Variants in RIPK1 observed in about 807,000 individuals in gnomAD.
RIPK1 encodes receptor-interacting serine/threonine-protein kinase 1.
A neutral mutation model predicts 62.4 loss-of-function variants in RIPK1; 27 were observed. The ratio of observed to expected loss-of-function variants is 0.43; its 90% CI spans 0.32 to 0.60. RIPK1 has a LOEUF of 0.60. Among genes scored for constraint, RIPK1 ranks in the 20% least tolerant of loss-of-function variants. The pLI, the probability that RIPK1 is intolerant of heterozygous loss-of-function variation, is 0.07. For missense variants in RIPK1, 735 were observed against 831.0 expected (o/e 0.88, Z 1.42); for synonymous variants, 287 against 303.2 (o/e 0.95, Z 0.55).
chr6:3,102,831 C>T (rs1475974737), intron 7 of RIPK1, among the ~76,000 whole-genome samples: 2 of 152,156 alleles, frequency 1.3e-5, no homozygotes, highest in African/African-American at 4.8e-5. Flanking sequence ...TCTCAAACTC[C>T]TAACCTCAGG....
At chr6:3,098,898 G>A (rs1346192719) in intron 7 of RIPK1, among the ~76,000 whole-genome samples, 1 of 152,208 alleles carries the variant, frequency 6.6e-6, no homozygotes, top group Admixed American at 6.5e-5. Context: ...CTTGTCCCAC[G>A]TCAGACTGAA....
intron 7 of RIPK1, 120 bp downstream of exon 7, chr6:3,089,777 T>C (rs752638014): frequency 8.4e-5 from 55 of 651,722 alleles, no homozygotes; most frequent in Middle Eastern, 2.9e-4. Context: ...GGTAAACATA[T>C]AAAACAAAAT....
intron 7 of RIPK1, among the ~76,000 whole-genome samples, chr6:3,095,727 T>C (rs1258313069): frequency 6.6e-6 from 1 of 152,180 alleles, no homozygotes; most frequent in Non-Finnish European, 1.5e-5. Context: ...GTTGATAAAA[T>C]GTAATGTTTA....
At chr6:3,100,676 C>T (rs956407660) in intron 7 of RIPK1, among the ~76,000 whole-genome samples, 4 of 151,780 alleles carry the variant, frequency 2.6e-5, no homozygotes, top group Non-Finnish European at 4.4e-5. Flanking sequence ...CTACAACCTC[C>T]ACCTCCCGGG....
intron 7 of RIPK1, among the ~76,000 whole-genome samples, chr6:3,094,120 GCCGCACCTAGTAACTGCAGAGTA>G (rs1561765282): frequency 8.9e-5 from 12 of 135,424 alleles, no homozygotes; most frequent in Middle Eastern, 3.5e-3. Flanking sequence ...GTACCTACCT[GCCGCACCTAGTAACTGCAGAGTA>G]CCTACCTGCC....
chr6:3,110,662 T>TTCA (rs1761109539), intron 9 of RIPK1, 141 bp from the exon 10 acceptor site: 1 of 510,120 alleles, frequency 2.0e-6, no homozygotes, highest in Non-Finnish European at 3.4e-6. Context: ...TTTAGCCAGA[T>TTCA]TTGAAAGAAG....
intron 9 of RIPK1, among the ~76,000 whole-genome samples, chr6:3,107,220 C>G (rs1262247318): frequency 6.6e-6 from 1 of 150,662 alleles, no homozygotes; most frequent in African/African-American, 2.4e-5. Context: ...CCACTGCACT[C>G]CAGCCTGGGC....
At chr6:3,071,406 A>G (rs1238591742) in intron 1 of RIPK1, among the ~76,000 whole-genome samples, 1 of 152,250 alleles carries the variant, frequency 6.6e-6, no homozygotes, top group Non-Finnish European at 1.5e-5. Flanking sequence ...CTGAATTAAT[A>G]TTTATGCAAA....
intron 4 of RIPK1, among the ~76,000 whole-genome samples, chr6:3,081,861 A>T (rs868254943): frequency 0.069 from 279 of 4,050 alleles, 2 homozygotes; most frequent in African/African-American, 0.19. Flanking sequence ...ACTCTGCCTT[A>T]AAAAAAAAAA....
At chr6:3,075,429 C>T (rs1758999576) in intron 1 of RIPK1, among the ~76,000 whole-genome samples, 1 of 152,188 alleles carries the variant, frequency 6.6e-6, no homozygotes, top group African/African-American at 2.4e-5. Context: ...AAATTCTACT[C>T]CTTTTTCACA....
chr6:3,081,129 C>G lies in RIPK1; in HGVS notation c.459+13C>G. 1.2e-6 allele frequency: 2 copies of G among 1,609,248 alleles called. No individual in the cohort carries two copies. The highest frequency in any genetic ancestry group is 1.7e-6 in the Non-Finnish European group (2 of 1,178,054). Reference sequence around the variant, plus strand: ...CTTCCACATTAAGGTAAACCATCATCGGTAGGCTTCCAGAAAGTTGGGTGA... The same window carrying G: ...CTTCCACATTAAGGTAAACCATCATGGGTAGGCTTCCAGAAAGTTGGGTGA... On this transcript the variant is annotated intron_variant, in intron 4 of 10. Coordinates refer to ENST00000259808, the MANE Select transcript of RIPK1 (RefSeq NM_001354930.2).
rs116696494 is a variant in RIPK1, at chr6:3,105,810, T to A, written c.1335T>A (p.His445Gln). Residue 445 changes from histidine to glutamine, a missense_variant, in exon 9 of 11, where the codon CAT becomes CAA. By Grantham distance (24) the His-to-Gln change is conservative (BLOSUM62 0). Coordinates refer to ENST00000259808, the MANE Select transcript of RIPK1 (RefSeq NM_001354930.2). This position sits in a 1 kb window ranked among gnomAD's most constrained non-coding sequence, Gnocchi z 4.5. ...CTGCTTATTCCAGTGCAGCCAGTCA[T>A]GGTAATGCAGTGCACCAGCCCTCAG... Reference protein sequence around the residue: ...KGTAYSSAASHGNAVHQPSGL... With the variant: ...KGTAYSSAASQGNAVHQPSGL... The A allele has an allele frequency of 7.6e-5, 122 of 1,614,178 alleles. No individual in the cohort carries two copies. In the East Asian group the frequency reaches 2.3e-3, roughly 31 times the overall value.
At position 3,105,411 on chromosome 6, in the gene RIPK1, C is replaced by T. The variant is rs970542812; in HGVS notation, c.1007-71C>T. 1.7e-5 allele frequency: 21 copies of T among 1,204,908 alleles called. No homozygotes were observed. The highest frequency in any genetic ancestry group is 1.6e-4 in the East Asian group (7 of 42,558). 74.6% of individuals were successfully genotyped at this position (1,204,908 alleles called of 1,614,324 possible). A position where few individuals can be genotyped will look rare whatever the true frequency, so the allele number is the denominator to read the frequency against. The stretch of plus-strand genomic sequence containing the variant: ...GTTACTTTGAGATACAGATTCATGA[C>T]GGCGCTCAGATTTTATTTTACTTTT... On this transcript the variant is annotated intron_variant, in intron 8 of 10. Transcript: ENST00000259808. This position sits in a 1 kb window ranked among gnomAD's most constrained non-coding sequence, Gnocchi z 4.5.
chr6:3,105,457 T>C lies in RIPK1; in HGVS notation c.1007-25T>C. On this transcript the variant is annotated intron_variant, in intron 8 of 10. Coordinates refer to ENST00000259808, the MANE Select transcript of RIPK1 (RefSeq NM_001354930.2). This position sits in a 1 kb window ranked among gnomAD's most constrained non-coding sequence, Gnocchi z 4.5. ...CTTTTTAATGTTTCATGACACCCAT[T>C]CTAATGTTGATCATTTCTTCTCAGC... The C allele has an allele frequency of 1.3e-6, 2 of 1,495,574 alleles. No individual in the cohort carries two copies. Among genetic ancestry groups the C allele is most frequent in the Non-Finnish European group, 1.8e-6 (2 of 1,113,848 alleles). The allele number at this position is 1,495,574 out of a possible 1,614,324, so 92.6% of individuals were successfully genotyped here.
At chr6:3,074,160 A>G (rs1251390854) in intron 1 of RIPK1, among the ~76,000 whole-genome samples, 1 of 152,160 alleles carries the variant, frequency 6.6e-6, no homozygotes, top group Non-Finnish European at 1.5e-5. Context: ...CTACAACATT[A>G]TCATCACCCC....
intron 1 of RIPK1, among the ~76,000 whole-genome samples, chr6:3,074,772 C>T (rs1163813456): frequency 6.6e-6 from 1 of 152,132 alleles, no homozygotes. Context: ...ACCTCCGCCT[C>T]CCAAATTTAA....
chr6:3,070,018 A>T (rs976283298), intron 1 of RIPK1, among the ~76,000 whole-genome samples: 8 of 152,130 alleles, frequency 5.3e-5, no homozygotes, highest in Non-Finnish European at 1.0e-4. Context: ...TCAAAAAAAA[A>T]AATAAATAAA....
intron 4 of RIPK1, among the ~76,000 whole-genome samples, chr6:3,082,545 AG>A (rs1418556448): frequency 2.0e-5 from 3 of 151,834 alleles, no homozygotes; most frequent in African/African-American, 7.3e-5. Flanking sequence ...ATCTCCTCTT[AG>A]GTTCAGGCTA....
intron 9 of RIPK1, among the ~76,000 whole-genome samples, chr6:3,110,203 GATT>G (rs1238693354): frequency 1.7e-5 from 2 of 114,884 alleles, no homozygotes; most frequent in East Asian, 2.9e-4. Context: ...GAAGAATCAC[GATT>G]TTTTTTTTTT....
Sources: allele counts gnomAD v4.1 joint callset (sites outside exome capture counted in the v4.1 genomes callset), GRCh38; gene constraint gnomAD v4.1.1; non-coding constraint Gnocchi (gnomAD v3.1); transcripts MANE v1.5; gene names NCBI Gene and HGNC (gene_info 2026-07-23, HGNC 2026-07-21).